MGAM2: variants seen among roughly 807,000 people sequenced by gnomAD.
The protein encoded by MGAM2 is probable maltase-glucoamylase 2.
Under a neutral mutation model 96.1 loss-of-function variants are expected in MGAM2, and 98 were observed. The ratio of observed to expected loss-of-function variants is 1.02; its 90% CI spans 0.87 to 1.21. MGAM2 has a LOEUF of 1.21. Among genes scored for constraint, MGAM2 ranks in the 50% most tolerant of loss-of-function variants. The pLI, the probability that MGAM2 is intolerant of heterozygous loss-of-function variation, is 0.00. For missense variants in MGAM2, 2,055 were observed against 1,182.4 expected (o/e 1.74, Z -10.82); for synonymous variants, 749 against 414.8 (o/e 1.81, Z -9.79).
intron 14 of MGAM2, among the ~76,000 whole-genome samples, chr7:142,145,875 T>C (rs1489883369): frequency 6.6e-6 from 1 of 152,136 alleles, no homozygotes; most frequent in South Asian, 2.1e-4. Context: ...GAAGGTATAA[T>C]CTTCTTATAT....
chr7:142,219,038 T>C (rs1370436641), intron 47 of MGAM2, among the ~76,000 whole-genome samples: 1 of 152,008 alleles, frequency 6.6e-6, no homozygotes, highest in Non-Finnish European at 1.5e-5. Context: ...GGATAAAAGG[T>C]TGATAAAACA....
At chr7:142,142,638 C>T (rs889803992) in intron 12 of MGAM2, among the ~76,000 whole-genome samples, 29 of 151,058 alleles carry the variant, frequency 1.9e-4, no homozygotes, top group Non-Finnish European at 5.9e-5. Flanking sequence ...CAACCTCTGC[C>T]TCCCAGGTTC....
chr7:142,113,903 G>A (rs780242913), intron 1 of MGAM2, among the ~76,000 whole-genome samples: 4 of 152,000 alleles, frequency 2.6e-5, no homozygotes, highest in Admixed American at 1.3e-4. Context: ...AGGCCAAGGC[G>A]GGCGGATCAC....
chr7:142,123,975 T>TA (rs1382843035), intron 3 of MGAM2, among the ~76,000 whole-genome samples: 3 of 128,620 alleles, frequency 2.3e-5, no homozygotes, highest in Non-Finnish European at 5.1e-5. Flanking sequence ...TTTTTTTTTT[T>TA]TTTTTTTTTT....
intron 10 of MGAM2, among the ~76,000 whole-genome samples, chr7:142,139,038 A>C (rs1795141236): frequency 6.6e-6 from 1 of 152,226 alleles, no homozygotes; most frequent in African/African-American, 2.4e-5. Context: ...ACTGATGGTG[A>C]ACATCATCAA....
intron 12 of MGAM2, among the ~76,000 whole-genome samples, chr7:142,142,747 A>T (rs1273487981): frequency 6.6e-6 from 1 of 151,354 alleles, no homozygotes; most frequent in Non-Finnish European, 1.5e-5. Flanking sequence ...ACGGAATTTC[A>T]CTCTCTCGGC....
Position 142,130,249 on chromosome 7 carries a change from G to A in MGAM2, c.187-699G>A, listed in dbSNP as rs1469471521. Among the ~76,000 whole-genome samples the A allele has an allele frequency of 4.6e-5, 7 of 152,158 alleles. No individual in the cohort carries two copies. In the South Asian group the frequency reaches 1.2e-3, roughly 27 times the overall value. ...CCTCTGTCCTAGTTTTATTTTAATC[G>A]TCTCTAGTTTTCTTAGCTTCACTTT... On this transcript the variant is annotated intron_variant, in intron 3 of 47. Transcript: ENST00000477922.
At position 142,138,524 on chromosome 7, in the gene MGAM2, A is replaced by C. The variant is rs2056014959; in HGVS notation, c.961-18A>C. 1 of 701,860 alleles carries C rather than the reference A, an allele frequency of 1.4e-6. No individual in the cohort carries two copies. Among genetic ancestry groups the C allele is most frequent in the South Asian group, 1.5e-5 (1 of 67,244 alleles). 43.5% of individuals were successfully genotyped at this position (701,860 alleles called of 1,614,324 possible). A position where few individuals can be genotyped will look rare whatever the true frequency, so the allele number is the denominator to read the frequency against. The stretch of plus-strand genomic sequence containing the variant: ...CTAATGTTATTCTCAAAGCCTACAC[A>C]CTTACTTATCTTTTCAGCTTGTTGG... On this transcript the variant is annotated intron_variant, in intron 9 of 47. Coordinates refer to ENST00000477922, the MANE Select transcript of MGAM2 (RefSeq NM_001293626.2).
At chr7:142,216,368 A>T (rs914120796) in intron 46 of MGAM2, among the ~76,000 whole-genome samples, 1 of 152,210 alleles carries the variant, frequency 6.6e-6, no homozygotes, top group Non-Finnish European at 1.5e-5. Context: ...AAAAATTGTA[A>T]AACATTAGAT....
At chr7:142,180,352 G>T (rs963224846) in intron 32 of MGAM2, among the ~76,000 whole-genome samples, 3 of 151,878 alleles carry the variant, frequency 2.0e-5, no homozygotes, top group Non-Finnish European at 4.4e-5. Flanking sequence ...ATTTTGTTTA[G>T]CTCTGCTCTG....
chr7:142,118,129 A>G (rs990695531), intron 2 of MGAM2, among the ~76,000 whole-genome samples: 2 of 152,184 alleles, frequency 1.3e-5, no homozygotes, highest in Non-Finnish European at 2.9e-5. Context: ...TTCATCTCGC[A>G]TAACTGAAAT....
chr7:142,201,082 CTT>C (rs1314170979), intron 45 of MGAM2, among the ~76,000 whole-genome samples: 1 of 108,538 alleles, frequency 9.2e-6, no homozygotes, highest in African/African-American at 3.8e-5. Flanking sequence ...TTTTTTTTTT[CTT>C]TTTTTTTTTT....
At position 142,220,248 on chromosome 7, in the gene MGAM2, A is replaced by G; in HGVS notation, c.5737A>G (p.Thr1913Ala). The G allele has an allele frequency of 1.4e-6, 1 of 702,784 alleles. No individual in the cohort carries two copies. Among genetic ancestry groups the G allele is most frequent in the Non-Finnish European group, 2.6e-6 (1 of 384,920 alleles). The allele number at this position is 702,784 out of a possible 1,614,324, so 43.5% of individuals were successfully genotyped here. ...CCCAACAAGTACTATTGGTGTTACA[A>G]CTAATGCTACTGTTCCCAATACAAC... is the stretch of plus-strand genomic sequence containing the variant. ...PFPTSTIGVT[T>A]NATVPNTTAP... The change falls in exon 48 of 48, where the codon ACT becomes GCT. Residue 1913 changes from threonine to alanine, a missense_variant. Coordinates refer to ENST00000477922, the MANE Select transcript of MGAM2 (RefSeq NM_001293626.2).
intron 3 of MGAM2, 39 bp downstream of exon 3, chr7:142,120,420 G>A (rs1018468610): frequency 4.3e-6 from 3 of 694,654 alleles, no homozygotes; most frequent in Middle Eastern, 2.3e-4. Context: ...CCTACAGGGT[G>A]TTATTGAAAA....
At chr7:142,186,596 GGCCT>G (rs1796706951) in intron 35 of MGAM2, among the ~76,000 whole-genome samples, 2 of 152,194 alleles carry the variant, frequency 1.3e-5, no homozygotes, top group South Asian at 2.1e-4. Context: ...AATGCCAGTT[GGCCT>G]TAAAAGCAGG....
rs1321705112 is a variant in MGAM2 at position 142,220,236 on chromosome 7, A to G, written c.5725A>G (p.Ile1909Val). ...ITTTPFPTST[I>V]GVTTNATVPN... ...AACCACACCTTTCCCAACAAGTACT[A>G]TTGGTGTTACAACTAATGCTACTGT... The change falls in exon 48 of 48, where the codon ATT (isoleucine) becomes GTT (valine). Residue 1909 changes from isoleucine (I) to valine (V), a missense_variant. Ile to Val is a conservative substitution (Grantham distance 29, BLOSUM62 3). Transcript: ENST00000477922. 8.5e-6 allele frequency: 6 copies of G among 702,742 alleles called. No homozygotes were observed. Among genetic ancestry groups the G allele is most frequent in the Middle Eastern group, 2.3e-4 (1 of 4,370 alleles). 43.5% of individuals were successfully genotyped at this position (702,742 alleles called of 1,614,324 possible). A position where few individuals can be genotyped will look rare whatever the true frequency, so the allele number is the denominator to read the frequency against.
Position 142,172,873 on chromosome 7 carries a change from A to G in MGAM2, c.3561+109A>G, listed in dbSNP as rs1796241112. Reference sequence around the variant, plus strand: ...TTTCTTTTGACTCTTGAGTGTCACTACTAGATTATTACTGCCTTTGCTGAA... The same window carrying G: ...TTTCTTTTGACTCTTGAGTGTCACTGCTAGATTATTACTGCCTTTGCTGAA... On this transcript the variant is annotated intron_variant, in intron 30 of 47. Transcript: ENST00000477922. 1.2e-5 allele frequency: 7 copies of G among 579,962 alleles called. No homozygotes were observed. The Admixed American group carries it at 1.3e-4, about 11-fold the overall frequency. 35.9% of individuals were successfully genotyped at this position (579,962 alleles called of 1,614,324 possible). A position where few individuals can be genotyped will look rare whatever the true frequency, so the allele number is the denominator to read the frequency against.
intron 3 of MGAM2, among the ~76,000 whole-genome samples, chr7:142,120,745 A>G (rs2129074339): frequency 6.6e-6 from 1 of 152,286 alleles, no homozygotes; most frequent in Non-Finnish European, 1.5e-5. Flanking sequence ...AAGCACATGC[A>G]AATAGGGAAA....
chr7:142,131,975 T>C lies in MGAM2; in HGVS notation c.465T>C (p.Asn155=). 2.8e-6 allele frequency: 2 copies of C among 702,920 alleles called. No homozygotes were observed. The highest frequency in any genetic ancestry group is 5.2e-6 in the Non-Finnish European group (2 of 384,976). 43.5% of individuals were successfully genotyped at this position (702,920 alleles called of 1,614,324 possible). A position where few individuals can be genotyped will look rare whatever the true frequency, so the allele number is the denominator to read the frequency against. The change falls in exon 6 of 48, where the codon AAT becomes AAC. Residue 155 remains asparagine, a synonymous_variant. Transcript: ENST00000477922. The part of the protein sequence containing the change: ...NNIRYEVSHE[N]INLVDGIADA... ...TACGCTATGAAGTTTCCCATGAAAA[T>C]ATTAACCTGGTTGATGGGATTGCTG...
Sources: gnomAD v4.1 joint callset for allele counts (sites outside exome capture counted in the v4.1 genomes callset) on GRCh38, gnomAD v4.1.1 for gene constraint, MANE v1.5 for transcripts, NCBI Gene and HGNC (gene_info 2026-07-23, HGNC 2026-07-21) for gene names.